Variants in CSMD1 observed in about 807,000 individuals in gnomAD.
CSMD1 encodes CUB and sushi domain-containing protein 1.
A neutral mutation model predicts 417.5 loss-of-function variants in CSMD1; 213 were observed. The ratio of observed to expected loss-of-function variants is 0.51; its 90% CI spans 0.46 to 0.57. The LOEUF is 0.57. Among genes scored for constraint, CSMD1 ranks in the 20% least tolerant of loss-of-function variants. The pLI, the probability that CSMD1 is intolerant of heterozygous loss-of-function variation, is 0.00. For synonymous variants in CSMD1, 2,862 were observed against 1,736.8 expected, an observed-to-expected ratio of 1.65 and a Z score of -16.11; for missense variants, 6,923 against 4,529.7, an observed-to-expected ratio of 1.53 and a Z score of -15.17.
At chr8:3,711,995 G>C (rs921918312) in intron 6 of CSMD1, among the ~76,000 whole-genome samples, 1 of 152,176 alleles carries the variant, frequency 6.6e-6, no homozygotes, top group African/African-American at 2.4e-5. Context: ...CTATCTGAAA[G>C]CTGGATGAGC....
intron 50 of CSMD1, among the ~76,000 whole-genome samples, chr8:3,041,774 G>A (rs545493922): frequency 2.6e-5 from 4 of 151,676 alleles, no homozygotes; most frequent in East Asian, 2.0e-4. Flanking sequence ...ACAGCACAGC[G>A]TTTTTGCCAG....
At chr8:4,394,868 A>G (rs1056136059) in intron 3 of CSMD1, among the ~76,000 whole-genome samples, 3 of 152,004 alleles carry the variant, frequency 2.0e-5, no homozygotes, top group Non-Finnish European at 4.4e-5. Context: ...AGAGTCCGAT[A>G]CAACCTTGTC....
intron 3 of CSMD1, among the ~76,000 whole-genome samples, chr8:4,259,385 A>G (rs138410978): frequency 6.6e-6 from 1 of 152,290 alleles, no homozygotes; most frequent in East Asian, 1.9e-4. Context: ...AGAGGACAGG[A>G]GGAGCTCCCA....
chr8:3,394,012 TTATATATATATATATATA>T (rs1175905929), intron 17 of CSMD1, among the ~76,000 whole-genome samples: 3 of 31,632 alleles, frequency 9.5e-5, no homozygotes, highest in Admixed American at 4.4e-4. Flanking sequence ...AAAAAATAAA[TTATATATATATATATATA>T]TATATATATA....
intron 3 of CSMD1, among the ~76,000 whole-genome samples, chr8:4,247,563 G>C (rs1324316201): frequency 6.6e-6 from 1 of 151,996 alleles, no homozygotes; most frequent in Admixed American, 6.6e-5. Context: ...TAAGAATTCC[G>C]CATAATACCA....
chr8:3,757,287 T>C (rs904684213), intron 5 of CSMD1, among the ~76,000 whole-genome samples: 19 of 152,332 alleles, frequency 1.2e-4, no homozygotes, highest in Middle Eastern at 6.8e-3. Context: ...TACGTACGTA[T>C]TTCAGGCTTT....
At chr8:4,676,281 G>T (rs927963559) in intron 1 of CSMD1, among the ~76,000 whole-genome samples, 3 of 152,042 alleles carry the variant, frequency 2.0e-5, no homozygotes, top group African/African-American at 7.2e-5. Context: ...TATATATTAA[G>T]ATAAATTAGC....
intron 3 of CSMD1, among the ~76,000 whole-genome samples, chr8:4,039,053 C>CTACAA (rs554265301): frequency 2.8e-4 from 26 of 93,742 alleles, no homozygotes; most frequent in African/African-American, 5.0e-4. Context: ...AAGCATGATA[C>CTACAA]TACAATACAA....
At chr8:3,792,781 C>T (rs1316970371) in intron 5 of CSMD1, among the ~76,000 whole-genome samples, 3 of 152,170 alleles carry the variant, frequency 2.0e-5, no homozygotes. Flanking sequence ...TGCTCTCTCT[C>T]ACAATTTAAG....
At chr8:4,902,014 G>A (rs1046504017) in intron 1 of CSMD1, among the ~76,000 whole-genome samples, 7 of 152,170 alleles carry the variant, frequency 4.6e-5, no homozygotes, top group African/African-American at 1.4e-4. Context: ...GTAAGGAAAT[G>A]CAGCTATGAT....
intron 3 of CSMD1, among the ~76,000 whole-genome samples, chr8:4,133,820 CTCCT>C (rs1803256264): frequency 6.6e-6 from 1 of 152,124 alleles, no homozygotes; most frequent in South Asian, 2.1e-4. Flanking sequence ...CATGCCTGAT[CTCCT>C]CTGAAACACA....
chr8:3,560,622 G>A (rs766026162), intron 10 of CSMD1, among the ~76,000 whole-genome samples: 1 of 152,172 alleles, frequency 6.6e-6, no homozygotes, highest in Non-Finnish European at 1.5e-5. Context: ...GGGGGAATGA[G>A]ATGGCGGGAT....
intron 41 of CSMD1, among the ~76,000 whole-genome samples, chr8:3,138,982 T>G (rs1277699472): frequency 6.6e-6 from 1 of 152,082 alleles, no homozygotes; most frequent in African/African-American, 2.4e-5. Context: ...AGGAGAAAGG[T>G]CTGAGAGCAG....
intron 47 of CSMD1, among the ~76,000 whole-genome samples, chr8:3,096,027 G>C (rs1016426314): frequency 5.3e-5 from 8 of 151,950 alleles, no homozygotes; most frequent in Admixed American, 5.2e-4. Context: ...CATATTTCCA[G>C]TAAAATAATT....
At chr8:3,442,767 G>A (rs1226697356) in intron 12 of CSMD1, among the ~76,000 whole-genome samples, 1 of 152,012 alleles carries the variant, frequency 6.6e-6, no homozygotes, top group East Asian at 1.9e-4. Flanking sequence ...ATATATATTT[G>A]AATTCTATTT....
At chr8:4,029,397 T>C (rs1335499313) in intron 4 of CSMD1, among the ~76,000 whole-genome samples, 1 of 152,172 alleles carries the variant, frequency 6.6e-6, no homozygotes, top group African/African-American at 2.4e-5. Flanking sequence ...CTCACAATCA[T>C]GGTGGAAGGC....
intron 5 of CSMD1, among the ~76,000 whole-genome samples, chr8:3,996,249 G>C (rs1350250092): frequency 6.6e-6 from 1 of 152,034 alleles, no homozygotes; most frequent in South Asian, 2.1e-4. Flanking sequence ...AATACCTCTG[G>C]ACTGTCCTAA....
intron 10 of CSMD1, among the ~76,000 whole-genome samples, chr8:3,551,600 T>A (rs202061234): frequency 0.11 from 11,589 of 106,606 alleles, 453 homozygotes; most frequent in East Asian, 0.25. Flanking sequence ...ATATATATTT[T>A]TTTTTTTTTT....
intron 68 of CSMD1, among the ~76,000 whole-genome samples, chr8:2,943,209 T>C (rs1447186388): frequency 6.6e-6 from 1 of 151,942 alleles, no homozygotes; most frequent in Non-Finnish European, 1.5e-5. Flanking sequence ...TGTAACTTTT[T>C]AAATTAAATA....
Sources: allele counts gnomAD v4.1 joint callset (sites outside exome capture counted in the v4.1 genomes callset), GRCh38; gene constraint gnomAD v4.1.1; transcripts MANE v1.5; gene names NCBI Gene and HGNC (gene_info 2026-07-23, HGNC 2026-07-21).